DNAJC21: variants seen among roughly 807,000 people sequenced by gnomAD.
The protein encoded by DNAJC21 is DnaJ heat shock protein family (Hsp40) member C21.
Under a neutral mutation model 72.4 loss-of-function variants are expected in DNAJC21, and 63 were observed. That is an observed-to-expected ratio of 0.87 (90% CI 0.71 to 1.07). The LOEUF (loss-of-function observed/expected upper bound fraction) is 1.07, where lower values mean the gene tolerates loss of function less well. DNAJC21 is among the 50% of genes least tolerant of loss of function. DNAJC21 has a pLI of 0.00. For missense variants in DNAJC21, 634 were observed against 644.8 expected, an observed-to-expected ratio of 0.98 and a Z score of 0.18; for synonymous variants, 203 against 216.7, an observed-to-expected ratio of 0.94 and a Z score of 0.56.
At chr5:34,933,091 A>G (rs1037413949) in intron 1 of DNAJC21, among the ~76,000 whole-genome samples, 1 of 152,198 alleles carries the variant, frequency 6.6e-6, no homozygotes, top group African/African-American at 2.4e-5. Context: ...TATATTTTTT[A>G]AACTTTATGA....
intron 10 of DNAJC21, chr5:34,950,546 C>T (rs1765329213): frequency 8.3e-7 from 1 of 1,208,778 alleles, no homozygotes; most frequent in Non-Finnish European, 1.0e-6. Context: ...TGTGCCCACA[C>T]ACATCTCAGC....
chr5:34,954,878 T>A lies in DNAJC21; in HGVS notation c.*164T>A. The A allele has an allele frequency of 1.2e-6, 1 of 810,652 alleles. No individual in the cohort carries two copies. The highest frequency in any genetic ancestry group is 1.8e-6 in the Non-Finnish European group (1 of 566,084). The allele number at this position is 810,652 out of a possible 1,614,324, so 50.2% of individuals were successfully genotyped here. ...ACTTTTTTGGTTTAATATATATTTT[T>A]AAAACATTTCACTAGTGATTGAATT... is the stretch of plus-strand genomic sequence containing the variant. On this transcript the variant is annotated 3_prime_UTR_variant, in exon 12 of 12. Coordinates refer to ENST00000648817, the MANE Select transcript of DNAJC21 (RefSeq NM_001012339.3).
Position 34,941,184 on chromosome 5 carries a change from G to T in DNAJC21, c.983+1G>T, listed in dbSNP as rs368148362. 1 of 1,613,314 alleles carries T rather than the reference G, an allele frequency of 6.2e-7. No individual in the cohort carries two copies. Among genetic ancestry groups the T allele is most frequent in the South Asian group, 1.1e-5 (1 of 91,016 alleles). On this transcript the variant is annotated splice_donor_variant, in intron 7 of 11. Transcript: ENST00000648817. LOFTEE classifies it high-confidence loss of function. ...ACAAATCGTTCAAGACAGAAAAGGC[G>T]TAAGTTTATTAATTTAATTTAATTT...
intron 10 of DNAJC21, among the ~76,000 whole-genome samples, chr5:34,953,001 T>A (rs1765427757): frequency 6.6e-6 from 1 of 151,866 alleles, no homozygotes; most frequent in African/African-American, 2.4e-5. Flanking sequence ...AATACAAAAA[T>A]TAGCTGAGTA....
rs1765574800 is a variant in DNAJC21, at chr5:34,957,673, A to T, written c.*2959A>T. ...GAAATTACTCTTGTATTTGTAGAAG[A>T]TTGTCTCTAAAATTGTGGTTTAACT... is the stretch of plus-strand genomic sequence containing the variant. On this transcript the variant is annotated 3_prime_UTR_variant, in exon 12 of 12. Transcript: ENST00000648817. 6.6e-6 allele frequency: 1 copy of T among 152,198 alleles called. No individual in the cohort carries two copies. Among genetic ancestry groups the T allele is most frequent in the Non-Finnish European group, 1.5e-5 (1 of 68,030 alleles). The allele number at this position is 152,198 out of a possible 1,614,324, so 9.4% of individuals were successfully genotyped here. A position where few individuals can be genotyped will look rare whatever the true frequency, so the allele number is the denominator to read the frequency against.
chr5:34,958,591 A>G lies in DNAJC21; in HGVS notation c.*3877A>G, dbSNP rs189505535. On this transcript the variant is annotated 3_prime_UTR_variant, in exon 12 of 12. Coordinates refer to ENST00000648817, the MANE Select transcript of DNAJC21 (RefSeq NM_001012339.3). ...GCTTCTGTAGAACAATAGAGACTGT[A>G]AAAGAACAAGCTACAGACAAGGAAA... is the stretch of plus-strand genomic sequence containing the variant. 3.1e-4 allele frequency: 47 copies of G among 152,362 alleles called. No individual in the cohort carries two copies. Among genetic ancestry groups the G allele is most frequent in the African/African-American group, 1.0e-3 (43 of 41,594 alleles). 9.4% of individuals were successfully genotyped at this position (152,362 alleles called of 1,614,324 possible).
At chr5:34,935,688 G>T in intron 2 of DNAJC21, 22 bp from the exon 3 acceptor site, 1 of 1,613,476 alleles carries the variant, frequency 6.2e-7, no homozygotes. Context: ...CCTTCACAAT[G>T]ATGCTAATTT....
At chr5:34,939,468 T>G (rs111245834) in intron 6 of DNAJC21, among the ~76,000 whole-genome samples, 8,663 of 152,032 alleles carry the variant, frequency 0.057, 356 homozygotes, top group South Asian at 0.12. Flanking sequence ...GGTTTCACCT[T>G]GTTAGCCAGG....
chr5:34,934,865 C>G (rs557129731), intron 2 of DNAJC21, among the ~76,000 whole-genome samples: 14 of 152,294 alleles, frequency 9.2e-5, no homozygotes, highest in African/African-American at 3.4e-4. Context: ...AATTGTGTTT[C>G]ATAAGAAACT....
At chr5:34,954,044 G>A (rs1765461998) in intron 11 of DNAJC21, 43 bp downstream of exon 11, 8 of 1,531,460 alleles carry the variant, frequency 5.2e-6, no homozygotes, top group Non-Finnish European at 7.1e-6. Context: ...ATATCTTGCT[G>A]TTTAAGCAGT....
Position 34,944,893 on chromosome 5 carries a change from A to C in DNAJC21, c.1010A>C (p.Lys337Thr). The C allele has an allele frequency of 1.9e-6, 3 of 1,614,202 alleles. No individual in the cohort carries two copies. In the South Asian group the frequency reaches 3.3e-5, roughly 18 times the overall value. ...KAMKNHEKSK[K>T]HREMVALLKQ... ...ATGAAGAATCACGAGAAGTCAAAGA[A>C]GCATCGGGAAATGGTGGCCTTGCTA... Residue 337 changes from lysine (K) to threonine (T), a missense_variant, in exon 8 of 12, where the codon AAG becomes ACG. Physicochemically the swap from Lys to Thr is moderately conservative, Grantham distance 78. Coordinates refer to ENST00000648817, the MANE Select transcript of DNAJC21 (RefSeq NM_001012339.3).
chr5:34,956,214 C>T lies in DNAJC21; in HGVS notation c.*1500C>T, dbSNP rs1011004847. 1 of 152,592 alleles carries T rather than the reference C, an allele frequency of 6.6e-6. No individual in the cohort carries two copies. The highest frequency in any genetic ancestry group is 2.4e-5 in the African/African-American group (1 of 41,426). The allele number at this position is 152,592 out of a possible 1,614,324, so 9.5% of individuals were successfully genotyped here. The stretch of plus-strand genomic sequence containing the variant: ...CAGATCAGCTCTCAAACACTAAAGT[C>T]CTTAATGGCAAGGTCTTTTCTGATA... On this transcript the variant is annotated 3_prime_UTR_variant, in exon 12 of 12. Transcript: ENST00000648817.
intron 8 of DNAJC21, among the ~76,000 whole-genome samples, chr5:34,945,531 T>A (rs1765146621): frequency 1.3e-5 from 2 of 152,238 alleles, no homozygotes; most frequent in South Asian, 4.1e-4. Flanking sequence ...GCAGTTTTTA[T>A]ACCTGGCAGT....
At chr5:34,944,684 AC>A (rs1281900618) in intron 7 of DNAJC21, among the ~76,000 whole-genome samples, 182 bp from the exon 8 acceptor site, 32 of 152,126 alleles carry the variant, frequency 2.1e-4, no homozygotes, top group Non-Finnish European at 8.8e-5. Context: ...GAATCCTGAC[AC>A]GTTCTGTTTC....
chr5:34,934,616 T>TA (rs1211622057), intron 2 of DNAJC21, among the ~76,000 whole-genome samples: 2 of 152,216 alleles, frequency 1.3e-5, no homozygotes, highest in African/African-American at 4.8e-5. Flanking sequence ...CTGTGACAGA[T>TA]ATTACTAATG....
chr5:34,956,165 A>G lies in DNAJC21; in HGVS notation c.*1451A>G, dbSNP rs948650407. 1.3e-5 allele frequency: 2 copies of G among 152,644 alleles called. No individual in the cohort carries two copies. The highest frequency in any genetic ancestry group is 2.9e-5 in the Non-Finnish European group (2 of 68,046). The allele number at this position is 152,644 out of a possible 1,614,324, so 9.5% of individuals were successfully genotyped here. A position where few individuals can be genotyped will look rare whatever the true frequency, so the allele number is the denominator to read the frequency against. ...CATATATCCTTGAATCTTCAGATTAACGAAATGAACAAATTTTCGGTTACA... is the reference window on the plus strand; with the variant it reads ...CATATATCCTTGAATCTTCAGATTAGCGAAATGAACAAATTTTCGGTTACA... On this transcript the variant is annotated 3_prime_UTR_variant, in exon 12 of 12. Coordinates refer to ENST00000648817, the MANE Select transcript of DNAJC21 (RefSeq NM_001012339.3).
In DNAJC21 at chr5:34,929,684, T is replaced by C. The variant is rs560390909; in HGVS notation, c.-136T>C. ...GCCGCCGCCGCCGCCGCCGCCGGGC[T>C]CGCTGGCTGGCCCGGTGCGGGCGGC... On this transcript the variant is annotated 5_prime_UTR_variant, in exon 1 of 12. Coordinates refer to ENST00000648817, the MANE Select transcript of DNAJC21 (RefSeq NM_001012339.3). 409 of 204,882 alleles carry C rather than the reference T, an allele frequency of 2.0e-3. 2 individuals are homozygous for C. The highest frequency in any genetic ancestry group is 9.4e-3 in the African/African-American group (379 of 40,500). The allele number at this position is 204,882 out of a possible 1,614,324, so 12.7% of individuals were successfully genotyped here.
intron 6 of DNAJC21, 72 bp from the exon 7 acceptor site, chr5:34,941,024 C>T (rs568334486): frequency 2.4e-6 from 3 of 1,235,568 alleles, no homozygotes; most frequent in East Asian, 2.3e-5. Context: ...AATTTAATTT[C>T]TAATTTGTTA....
At chr5:34,943,303 T>C (rs1765060322) in intron 7 of DNAJC21, among the ~76,000 whole-genome samples, 1 of 152,230 alleles carries the variant, frequency 6.6e-6, no homozygotes, top group South Asian at 2.1e-4. Context: ...AGAAGTACAC[T>C]GTTTTCACTT....
Sources: gnomAD v4.1 joint callset for allele counts (sites outside exome capture counted in the v4.1 genomes callset) on GRCh38, gnomAD v4.1.1 for gene constraint, MANE v1.5 for transcripts, NCBI Gene and HGNC (gene_info 2026-07-23, HGNC 2026-07-21) for gene names.